Variants in EXD3 observed in about 807,000 individuals in gnomAD.
EXD3 encodes exonuclease mut-7 homolog.
EXD3 carries 92 observed loss-of-function variants against 98.0 expected under a neutral mutation model. The observed-to-expected ratio is 0.94, with a 90% CI of 0.79 to 1.12. The LOEUF (loss-of-function observed/expected upper bound fraction) is 1.12. EXD3 is among the 50% of genes most tolerant of loss of function. EXD3 has a pLI of 0.00. For synonymous variants in EXD3, 569 were observed against 526.0 expected, an observed-to-expected ratio of 1.08 and a Z score of -1.12; for missense variants, 1,222 against 1,191.6, an observed-to-expected ratio of 1.03 and a Z score of -0.38.
In EXD3 at chr9:137,348,306, G is replaced by A. The variant is rs529291876; in HGVS notation, c.1831-68C>T. On this transcript the variant is annotated intron_variant, in intron 16 of 21. Coordinates refer to ENST00000340951, the MANE Select transcript of EXD3 (RefSeq NM_017820.5). Reference sequence around the variant, plus strand: ...GCCCCTCACAGCCTCAGAGAGCCAGGGCCCTGAGGCTGTGTGGCCAGCACT... The same window carrying A: ...GCCCCTCACAGCCTCAGAGAGCCAGAGCCCTGAGGCTGTGTGGCCAGCACT... 426 of 1,489,940 alleles carry A rather than the reference G, an allele frequency of 2.9e-4. 4 individuals carry two copies. The South Asian group carries it at 5.0e-3, about 17-fold the overall frequency. The allele number at this position is 1,489,940 out of a possible 1,614,324, so 92.3% of individuals were successfully genotyped here. A position where few individuals can be genotyped will look rare whatever the true frequency, so the allele number is the denominator to read the frequency against.
At position 137,398,375 on chromosome 9, in the gene EXD3, CTT is replaced by C. The variant is rs149803592; in HGVS notation, c.-47-2973_-47-2972del. Among the ~76,000 whole-genome samples the C allele has an allele frequency of 4.6e-3, 697 of 152,354 alleles. 10 individuals are homozygous for C. The highest frequency in any genetic ancestry group is 0.015 in the African/African-American group (636 of 41,578). On this transcript the variant is annotated intron_variant, in intron 1 of 21. Coordinates refer to ENST00000340951, the MANE Select transcript of EXD3 (RefSeq NM_017820.5). The stretch of plus-strand genomic sequence containing the variant: ...CTGCTCACCCTGGACCCCCTTCCCT[CTT>C]GTCCCCTGTGCTCCCCGAAGTTCAC...
intron 2 of EXD3, among the ~76,000 whole-genome samples, chr9:137,389,563 G>A (rs1387494300): frequency 1.3e-5 from 2 of 152,180 alleles, no homozygotes; most frequent in Non-Finnish European, 2.9e-5. Context: ...AGGCAGAGAG[G>A]GAAAGGGCGG....
rs1388269216 is a variant in EXD3 at position 137,371,255 on chromosome 9, C to G, written c.462+1650G>C. Among the ~76,000 whole-genome samples, 1 of 152,224 alleles carries G rather than the reference C, an allele frequency of 6.6e-6. No individual in the cohort carries two copies. The highest frequency in any genetic ancestry group is 1.5e-5 in the Non-Finnish European group (1 of 68,028). The stretch of plus-strand genomic sequence containing the variant: ...CGCAGGCACGGCCGCCATTCAGCGT[C>G]GCGCCACATGAGGGGGACCCTCCAT... On this transcript the variant is annotated intron_variant, in intron 5 of 21. Coordinates refer to ENST00000340951, the MANE Select transcript of EXD3 (RefSeq NM_017820.5). The surrounding 1 kb of genome is among the most constrained non-coding windows in gnomAD (Gnocchi z 8.0).
At chr9:137,408,614 C>T (rs533967158) in intron 1 of EXD3, among the ~76,000 whole-genome samples, 1 of 151,522 alleles carries the variant, frequency 6.6e-6, no homozygotes, top group African/African-American at 2.4e-5. Flanking sequence ...CACCTCCCCC[C>T]AGCTGCTCAG....
chr9:137,372,853 C>T (rs1389308716), intron 5 of EXD3, 52 bp downstream of exon 5: 2 of 1,577,940 alleles, frequency 1.3e-6, no homozygotes, highest in African/African-American at 1.3e-5. Context: ...CGTCCTTGCC[C>T]CACCGCCCGA....
chr9:137,314,754 G>A (rs980184608), intron 19 of EXD3, among the ~76,000 whole-genome samples: 4 of 152,176 alleles, frequency 2.6e-5, no homozygotes, highest in Admixed American at 1.3e-4. Flanking sequence ...CGTCGGCGGC[G>A]AGAAGGTCCC....
chr9:137,333,198 C>T (rs1157004387), intron 17 of EXD3, among the ~76,000 whole-genome samples: 1 of 152,160 alleles, frequency 6.6e-6, no homozygotes, highest in Non-Finnish European at 1.5e-5. Context: ...CTTACACGTA[C>T]ACCAGCGGTT....
At chr9:137,342,513 T>C (rs1389841161) in intron 17 of EXD3, among the ~76,000 whole-genome samples, 1 of 152,166 alleles carries the variant, frequency 6.6e-6, no homozygotes, top group African/African-American at 2.4e-5. Flanking sequence ...AGAAGTTCAT[T>C]AGGGACTCAT....
At chr9:137,355,448 G>GA (rs1564507995) in intron 8 of EXD3, among the ~76,000 whole-genome samples, 3 of 19,998 alleles carry the variant, frequency 1.5e-4, no homozygotes, top group Non-Finnish European at 3.3e-4. Context: ...AGGAAGGGAG[G>GA]ATGGAGGAAG....
At chr9:137,412,934 A>G (rs1159483417) in intron 1 of EXD3, among the ~76,000 whole-genome samples, 1 of 151,442 alleles carries the variant, frequency 6.6e-6, no homozygotes, top group East Asian at 2.0e-4. Flanking sequence ...TGCACGCTAC[A>G]CCTGGATAAT....
At chr9:137,411,775 G>T (rs1468282878) in intron 1 of EXD3, among the ~76,000 whole-genome samples, 1 of 151,444 alleles carries the variant, frequency 6.6e-6, no homozygotes, top group African/African-American at 2.4e-5. Context: ...GAGGCGGAGG[G>T]CTTCCTGTGG....
intron 1 of EXD3, among the ~76,000 whole-genome samples, chr9:137,408,463 C>T (rs1378039674): frequency 6.7e-6 from 1 of 149,282 alleles, no homozygotes. Context: ...AGGTGAATGG[C>T]GTGAACCCGG....
At chr9:137,421,825 A>C (rs1189631043) in intron 1 of EXD3, among the ~76,000 whole-genome samples, 1 of 152,330 alleles carries the variant, frequency 6.6e-6, no homozygotes, top group East Asian at 1.9e-4. Context: ...GTGACAGAGC[A>C]AGACCCCATT....
Position 137,348,076 on chromosome 9 carries a change from C to T in EXD3, c.1993G>A (p.Ala665Thr). 1 of 1,610,326 alleles carries T rather than the reference C, an allele frequency of 6.2e-7. No homozygotes were observed. Among genetic ancestry groups the T allele is most frequent in the Non-Finnish European group, 8.5e-7 (1 of 1,179,436 alleles). ...GACCCTCCCCGCAAACTCACCTCGG[C>T]CGCCCTGCGGTGGTCTTCACCATTG... ...LGNGEDHRRAAEVARQEGRII... is the reference protein window; with the variant it reads ...LGNGEDHRRATEVARQEGRII... Residue 665 changes from alanine to threonine, a missense_variant, in exon 17 of 22, where the codon GCC becomes ACC. By Grantham distance (58) the Ala-to-Thr change is moderately conservative. Transcript: ENST00000340951.
At chr9:137,369,432 C>T (rs537009262) in intron 5 of EXD3, among the ~76,000 whole-genome samples, 2 of 152,328 alleles carry the variant, frequency 1.3e-5, no homozygotes, top group South Asian at 4.1e-4. Context: ...ACAACCCGCC[C>T]GCCCTCTGCT....
chr9:137,349,502 G>T lies in EXD3; in HGVS notation c.1524C>A (p.Ala508=). Residue 508 remains alanine (A), a synonymous_variant, in exon 15 of 22, where the codon GCC becomes GCA. Coordinates refer to ENST00000340951, the MANE Select transcript of EXD3 (RefSeq NM_017820.5). This position sits in a 1 kb window ranked among gnomAD's most constrained non-coding sequence, Gnocchi z 7.4. The stretch of plus-strand genomic sequence containing the variant: ...CCCTCAGCTCCCTGGCCCTGTCCAC[G>T]GCTGGGGCTGGCACGCTCGCCACCC... ...QMRVASVPAP[A]VDRARELRGL... 6.2e-7 allele frequency: 1 copy of T among 1,600,186 alleles called. No homozygotes were observed.
At position 137,351,317 on chromosome 9, in the gene EXD3, C is replaced by T; in HGVS notation, c.1384+1G>A. ...GCAGGGGGCCCCAGGGCTTCACTCA[C>T]CCAGCTTGGTGATAGAGGGGTCCGA... On this transcript the variant is annotated splice_donor_variant, in intron 13 of 21. Coordinates refer to ENST00000340951, the MANE Select transcript of EXD3 (RefSeq NM_017820.5). LOFTEE classifies it high-confidence loss of function. 6.2e-7 allele frequency: 1 copy of T among 1,610,728 alleles called. No individual in the cohort carries two copies. The highest frequency in any genetic ancestry group is 8.5e-7 in the Non-Finnish European group (1 of 1,179,178).
rs865974747 is a variant in EXD3, at chr9:137,319,994, T to C, written c.2184+3731A>G. The stretch of plus-strand genomic sequence containing the variant: ...CATGTGGCGCATACACGTGGGGCTC[T>C]GCATGGACCAGCACCCGCTCCTGCC... On this transcript the variant is annotated intron_variant, in intron 19 of 21. Transcript: ENST00000340951. 3.3e-5 allele frequency among the ~76,000 whole-genome samples: 5 copies of C among 152,220 alleles called. No individual in the cohort carries two copies. In the South Asian group the frequency reaches 1.0e-3, roughly 31 times the overall value.
At chr9:137,413,910 T>G (rs553380436) in intron 1 of EXD3, among the ~76,000 whole-genome samples, 20 of 150,692 alleles carry the variant, frequency 1.3e-4, no homozygotes, top group Admixed American at 4.0e-4. Context: ...GTTCTGTTGT[T>G]TTTTTTTTCT....
Sources: allele counts gnomAD v4.1 joint callset (sites outside exome capture counted in the v4.1 genomes callset), GRCh38; gene constraint gnomAD v4.1.1; non-coding constraint Gnocchi (gnomAD v3.1); transcripts MANE v1.5; gene names NCBI Gene and HGNC (gene_info 2026-07-23, HGNC 2026-07-21).